Variants in NXPE4 observed in about 807,000 individuals in gnomAD.
NXPE4 encodes NXPE family member 4.
In NXPE4, 42 loss-of-function variants were observed where a neutral mutation model predicts 33.3. The ratio of observed to expected loss-of-function variants is 1.26; its 90% CI spans 0.98 to 1.63. The LOEUF (loss-of-function observed/expected upper bound fraction) is 1.63. Ranked by LOEUF, NXPE4 falls within the 40% of genes most tolerant of loss-of-function variation. NXPE4 has a pLI of 0.00. For synonymous variants in NXPE4, 253 were observed against 234.9 expected, an observed-to-expected ratio of 1.08 and a Z score of -0.71; for missense variants, 709 against 647.6, an observed-to-expected ratio of 1.09 and a Z score of -1.03.
the NXPE4 span, among the ~76,000 whole-genome samples, chr11:114,620,672 T>C: frequency 6.6e-6 from 1 of 151,296 alleles, no homozygotes; most frequent in South Asian, 2.1e-4. Context: ...GAATAAATAT[T>C]GTCTCCCAGG....
intron 2 of NXPE4, among the ~76,000 whole-genome samples, chr11:114,586,054 GTTCT>G (rs1471966768): frequency 2.0e-5 from 3 of 152,134 alleles, no homozygotes; most frequent in African/African-American, 7.2e-5. Flanking sequence ...GTCCTAACCA[GTTCT>G]TTGTGTGCTA....
the NXPE4 span, among the ~76,000 whole-genome samples, chr11:114,606,910 G>A: frequency 3.3e-5 from 5 of 151,788 alleles, no homozygotes; most frequent in Admixed American, 3.3e-4. Context: ...GTTACCCGGT[G>A]GATAATAAGT....
At chr11:114,645,873 A>G in the NXPE4 span, among the ~76,000 whole-genome samples, 1 of 152,170 alleles carries the variant, frequency 6.6e-6, no homozygotes, top group Non-Finnish European at 1.5e-5. Flanking sequence ...TAATTTGTTG[A>G]TAAGTATTTG....
chr11:114,574,118 T>C (rs1307417971), intron 5 of NXPE4, among the ~76,000 whole-genome samples: 1 of 151,930 alleles, frequency 6.6e-6, no homozygotes, highest in Non-Finnish European at 1.5e-5. Context: ...GATCATTGAG[T>C]CAACAATAAA....
At chr11:114,664,487 C>T in the NXPE4 span, among the ~76,000 whole-genome samples, 24 of 152,146 alleles carry the variant, frequency 1.6e-4, no homozygotes, top group Non-Finnish European at 3.1e-4. Context: ...GTAAATTGCA[C>T]CTCAATAAAT....
At chr11:114,665,091 A>T in the NXPE4 span, among the ~76,000 whole-genome samples, 10 of 152,312 alleles carry the variant, frequency 6.6e-5, no homozygotes, top group South Asian at 2.1e-3. Context: ...ATTCCCATTT[A>T]TCAAACAAAA....
At chr11:114,622,412 C>T in the NXPE4 span, among the ~76,000 whole-genome samples, 98 of 152,030 alleles carry the variant, frequency 6.4e-4, no homozygotes, top group South Asian at 2.5e-3. Context: ...CACTGTTACC[C>T]GGTGTATAAT....
At chr11:114,648,516 C>A in the NXPE4 span, among the ~76,000 whole-genome samples, 4 of 152,080 alleles carry the variant, frequency 2.6e-5, no homozygotes, top group Non-Finnish European at 5.9e-5. Flanking sequence ...CTAATTTAAA[C>A]GTTAATCTAC....
chr11:114,605,414 A>G, the NXPE4 span, among the ~76,000 whole-genome samples: 2 of 151,858 alleles, frequency 1.3e-5, no homozygotes, highest in East Asian at 3.9e-4. Context: ...GGTGGATAAT[A>G]AGTATTGCCT....
At chr11:114,629,756 G>A in the NXPE4 span, among the ~76,000 whole-genome samples, 4 of 151,278 alleles carry the variant, frequency 2.6e-5, no homozygotes, top group Admixed American at 1.3e-4. Context: ...CGACATGATT[G>A]TATATCTAGA....
chr11:114,632,597 G>A, the NXPE4 span, among the ~76,000 whole-genome samples: 8 of 99,484 alleles, frequency 8.0e-5, no homozygotes, highest in Admixed American at 1.7e-4. Context: ...GTATATTGAT[G>A]TATATATTTA....
chr11:114,571,186 G>A lies in NXPE4; in HGVS notation c.1387C>T (p.Leu463=). ...NVHKAIQHLL[L]RSPDTMVIIK... is the part of the protein sequence containing the mutation. The stretch of plus-strand genomic sequence containing the variant: ...ATAACCATAGTGTCTGGGCTTCTCA[G>A]AAGAAGATGCTGAATGGCTTTGTGG... Residue 463 remains leucine, a synonymous_variant, in exon 6 of 6, where the codon CTG becomes TTG. Transcript: ENST00000375478. The A allele has an allele frequency of 6.2e-7, 1 of 1,613,844 alleles. No homozygotes were observed.
At chr11:114,598,757 C>G (rs923053789), upstream of NXPE4, among the ~76,000 whole-genome samples, 1 of 152,080 alleles carries the variant, frequency 6.6e-6, no homozygotes, top group Non-Finnish European at 1.5e-5. Flanking sequence ...GCCTGGCTCA[C>G]AAAACCATTC....
chr11:114,577,085 A>G (rs1297352274), intron 5 of NXPE4, among the ~76,000 whole-genome samples: 6 of 123,108 alleles, frequency 4.9e-5, no homozygotes, highest in Non-Finnish European at 9.7e-5. Context: ...TTATATATAT[A>G]CATATATATA....
the NXPE4 span, among the ~76,000 whole-genome samples, chr11:114,655,335 C>G: frequency 6.6e-6 from 1 of 152,090 alleles, no homozygotes. Context: ...TTAATTAGAT[C>G]CCATTTGTCA....
Position 114,582,813 on chromosome 11 carries a change from G to GC in NXPE4, c.304dup (p.Ala102GlyfsTer56), listed in dbSNP as rs1255589334. 1 of 1,614,166 alleles carries GC rather than the reference G, an allele frequency of 6.2e-7. No homozygotes were observed. Among genetic ancestry groups the GC allele is most frequent in the Admixed American group, 1.7e-5 (1 of 60,028 alleles). On this transcript the variant is annotated frameshift_variant, in exon 3 of 6. Coordinates refer to ENST00000375478, the MANE Select transcript of NXPE4 (RefSeq NM_001077639.2). LOFTEE classifies it high-confidence loss of function. ...CGTATCTCGAGGGTTGAGGATGGTG[G>GC]CTGTGCTATGTGTGGCGCTGGTGGT...
the NXPE4 span, among the ~76,000 whole-genome samples, chr11:114,665,973 C>T: frequency 1.1e-4 from 16 of 152,076 alleles, no homozygotes; most frequent in African/African-American, 3.9e-4. Context: ...AGGTAGGGGG[C>T]AGGGTTAGGA....
chr11:114,628,687 A>G, the NXPE4 span, among the ~76,000 whole-genome samples: 1 of 27,698 alleles, frequency 3.6e-5, no homozygotes, highest in African/African-American at 1.6e-4. Context: ...GAACTGAAGG[A>G]AATAGAGACA....
At chr11:114,645,088 G>C in the NXPE4 span, among the ~76,000 whole-genome samples, 1 of 151,554 alleles carries the variant, frequency 6.6e-6, no homozygotes, top group Non-Finnish European at 1.5e-5. Context: ...GATTCCTTGA[G>C]GTCAGGAGTT....
Sources: gnomAD v4.1 joint callset for allele counts (sites outside exome capture counted in the v4.1 genomes callset) on GRCh38, gnomAD v4.1.1 for gene constraint, MANE v1.5 for transcripts, NCBI Gene and HGNC (gene_info 2026-07-23, HGNC 2026-07-21) for gene names.